Variants in GPAM observed in about 807,000 individuals in gnomAD.
The protein encoded by GPAM is glycerol-3-phosphate acyltransferase 1, mitochondrial.
A neutral mutation model predicts 105.0 loss-of-function variants in GPAM; 56 were observed. That is an observed-to-expected ratio of 0.53 (90% CI 0.43 to 0.67). GPAM has a LOEUF of 0.67. Among genes scored for constraint, GPAM ranks in the 30% least tolerant of loss-of-function variants. The pLI, the probability that GPAM is intolerant of heterozygous loss-of-function variation, is 0.00. For synonymous variants in GPAM, 368 were observed against 354.4 expected (o/e 1.04, Z -0.43); for missense variants, 855 against 989.8 (o/e 0.86, Z 1.83).
At chr10:112,186,992 T>C (rs1367442675), upstream of GPAM, among the ~76,000 whole-genome samples, 3 of 152,250 alleles carry the variant, frequency 2.0e-5, no homozygotes, top group Non-Finnish European at 4.4e-5. Flanking sequence ...AAGATTCTTA[T>C]CTTACGCACC....
chr10:112,216,004 G>T (rs1847964194), upstream of GPAM, among the ~76,000 whole-genome samples: 1 of 152,134 alleles, frequency 6.6e-6, no homozygotes, highest in African/African-American at 2.4e-5. Context: ...TAGGTTCTGG[G>T]AACTAAGAAG....
intron 2 of GPAM, among the ~76,000 whole-genome samples, chr10:112,182,308 C>G (rs915019724): frequency 6.6e-6 from 1 of 152,052 alleles, no homozygotes; most frequent in African/African-American, 2.4e-5. Context: ...CTTAAGTTCC[C>G]GTACTTAAAT....
chr10:112,162,299 T>C (rs1001433320), intron 14 of GPAM, among the ~76,000 whole-genome samples: 2 of 152,162 alleles, frequency 1.3e-5, no homozygotes, highest in Non-Finnish European at 2.9e-5. Flanking sequence ...TCCTTGCTGA[T>C]AAAATGAAAA....
In GPAM at chr10:112,159,951, C is replaced by A; in HGVS notation, c.1862G>T (p.Ser621Ile). The change falls in exon 17 of 22, where the codon AGC (serine) becomes ATC (isoleucine). Residue 621 changes from serine to isoleucine, a missense_variant. Physicochemically the swap from Ser to Ile is moderately radical, Grantham distance 142. Transcript: ENST00000348367. ...TTCATTGGAGAGAAGGTAGCACAGG[C>A]TGGCCGCCTTCCGCACCAGCTGCTC... Reference protein sequence around the residue: ...SQEQLVRKAASLCYLLSNEGT... With the variant: ...SQEQLVRKAAILCYLLSNEGT... The A allele has an allele frequency of 6.2e-7, 1 of 1,614,010 alleles. No homozygotes were observed. Among genetic ancestry groups the A allele is most frequent in the South Asian group, 1.1e-5 (1 of 91,080 alleles).
intron 4 of GPAM, among the ~76,000 whole-genome samples, chr10:112,179,147 A>G (rs1320720383): frequency 1.3e-5 from 2 of 152,152 alleles, no homozygotes; most frequent in Non-Finnish European, 2.9e-5. Flanking sequence ...ACATTTTTAA[A>G]CAAATTATTT....
intron 9 of GPAM, among the ~76,000 whole-genome samples, chr10:112,169,467 C>A (rs1467599216): frequency 6.6e-6 from 1 of 152,164 alleles, no homozygotes; most frequent in Non-Finnish European, 1.5e-5. Flanking sequence ...CCAAGCATAA[C>A]CATCTTTCCA....
At chr10:112,166,344 G>A in intron 12 of GPAM, 58 bp downstream of exon 12, 1 of 909,798 alleles carries the variant, frequency 1.1e-6, no homozygotes, top group Non-Finnish European at 1.9e-6. Context: ...AGTCAGCACT[G>A]GAGCCTCCTG....
intron 1 of GPAM, among the ~76,000 whole-genome samples, chr10:112,209,639 C>G (rs940086276): frequency 5.9e-5 from 9 of 152,174 alleles, no homozygotes; most frequent in Admixed American, 2.6e-4. Context: ...TAGCCAAGTC[C>G]TAGCAGAGCT....
intron 4 of GPAM, among the ~76,000 whole-genome samples, chr10:112,178,330 A>C (rs1847444375): frequency 6.6e-6 from 1 of 152,102 alleles, no homozygotes; most frequent in South Asian, 2.1e-4. Flanking sequence ...CGGGCAGATC[A>C]CCTGAGGTCA....
chr10:112,211,579 G>A (rs1268527214), intron 1 of GPAM, among the ~76,000 whole-genome samples: 1 of 152,190 alleles, frequency 6.6e-6, no homozygotes, highest in Non-Finnish European at 1.5e-5. Flanking sequence ...ATGGGACTGA[G>A]CTATTTGTTT....
At chr10:112,202,142 A>G (rs964346871) in intron 1 of GPAM, among the ~76,000 whole-genome samples, 3 of 152,242 alleles carry the variant, frequency 2.0e-5, no homozygotes, top group African/African-American at 7.2e-5. Flanking sequence ...TAAAAAATCA[A>G]TGGCCAGATA....
In GPAM at chr10:112,160,599, C is replaced by T; in HGVS notation, c.1759+5G>A. 1 of 1,611,042 alleles carries T rather than the reference C, an allele frequency of 6.2e-7. No homozygotes were observed. The highest frequency in any genetic ancestry group is 8.5e-7 in the Non-Finnish European group (1 of 1,177,240). On this transcript the variant is annotated splice_donor_5th_base_variant and intron_variant, in intron 16 of 21. Coordinates refer to ENST00000348367, the MANE Select transcript of GPAM (RefSeq NM_001244949.2). ...TTACTGAAAATATTTCAAGGTCTGA[C>T]ATACCTATGATGGCCTCCATGATAA...
At chr10:112,161,943 T>C (rs1413643368) in intron 14 of GPAM, among the ~76,000 whole-genome samples, 1 of 152,232 alleles carries the variant, frequency 6.6e-6, no homozygotes, top group Non-Finnish European at 1.5e-5. Flanking sequence ...CTATTCATCA[T>C]ACAACAGGCT....
At chr10:112,191,914 C>T (rs1186558280) in intron 1 of GPAM, among the ~76,000 whole-genome samples, 1 of 152,090 alleles carries the variant, frequency 6.6e-6, no homozygotes, top group African/African-American at 2.4e-5. Context: ...GATGGGGGGA[C>T]TGTGAAGAAT....
At chr10:112,165,710 G>A (rs1485877785) in intron 12 of GPAM, among the ~76,000 whole-genome samples, 1 of 151,922 alleles carries the variant, frequency 6.6e-6, no homozygotes, top group Non-Finnish European at 1.5e-5. Flanking sequence ...AAGTTACCCA[G>A]CTTTTAGGGG....
chr10:112,168,620 C>CA (rs1478968713), intron 10 of GPAM, 96 bp from the exon 11 acceptor site: 3 of 858,472 alleles, frequency 3.5e-6, no homozygotes, highest in Non-Finnish European at 5.9e-6. Flanking sequence ...ACAGAAAAAA[C>CA]GATAACTTCA....
In GPAM at chr10:112,163,558, C is replaced by T. The variant is rs1458568804; in HGVS notation, c.1423+143G>A. On this transcript the variant is annotated intron_variant, in intron 14 of 21. Transcript: ENST00000348367. Reference sequence around the variant, plus strand: ...TTATCTCAAATCCTCACGGTATCACCTTCTTTCTAATAACTTACCTATCAC... The same window carrying T: ...TTATCTCAAATCCTCACGGTATCACTTTCTTTCTAATAACTTACCTATCAC... 7.5e-6 allele frequency: 5 copies of T among 667,160 alleles called. No homozygotes were observed. The East Asian group carries it at 1.1e-4, about 15-fold the overall frequency. 41.3% of individuals were successfully genotyped at this position (667,160 alleles called of 1,614,324 possible). A position where few individuals can be genotyped will look rare whatever the true frequency, so the allele number is the denominator to read the frequency against.
In GPAM at chr10:112,152,404, G is replaced by A; in HGVS notation, c.*1146C>T. ...TTAGGCATATAACCCATAAAAATTT[G>A]TTAAAAGTCATGGTTTTTCCTCAAA... On this transcript the variant is annotated 3_prime_UTR_variant, in exon 22 of 22. Coordinates refer to ENST00000348367, the MANE Select transcript of GPAM (RefSeq NM_001244949.2). 1 of 985,176 alleles carries A rather than the reference G, an allele frequency of 1.0e-6. No individual in the cohort carries two copies. The highest frequency in any genetic ancestry group is 1.2e-6 in the Non-Finnish European group (1 of 829,794). The allele number at this position is 985,176 out of a possible 1,614,324, so 61.0% of individuals were successfully genotyped here.
At chr10:112,161,599 T>G in intron 15 of GPAM, 68 bp downstream of exon 15, 1 of 1,302,012 alleles carries the variant, frequency 7.7e-7, no homozygotes, top group Non-Finnish European at 1.1e-6. Flanking sequence ...CCCCTGAGTA[T>G]GTATCTGAGC....
Sources: allele counts gnomAD v4.1 joint callset (sites outside exome capture counted in the v4.1 genomes callset), GRCh38; gene constraint gnomAD v4.1.1; transcripts MANE v1.5; gene names NCBI Gene and HGNC (gene_info 2026-07-23, HGNC 2026-07-21).